Variants in L3MBTL4 observed in about 807,000 individuals in gnomAD.
The protein encoded by L3MBTL4 is lethal(3)malignant brain tumor-like protein 4.
A neutral mutation model predicts 84.5 loss-of-function variants in L3MBTL4; 70 were observed. That is an observed-to-expected ratio of 0.83 (90% confidence interval 0.68 to 1.01). The LOEUF (loss-of-function observed/expected upper bound fraction) is 1.01. Among genes scored for constraint, L3MBTL4 ranks in the 50% least tolerant of loss-of-function variants. The pLI is 0.00. For missense variants in L3MBTL4, 715 were observed against 754.8 expected, an observed-to-expected ratio of 0.95 and a Z score of 0.62; for synonymous variants, 274 against 259.8, an observed-to-expected ratio of 1.05 and a Z score of -0.52.
chr18:5,985,538 G>A (rs369895619), intron 16 of L3MBTL4, among the ~76,000 whole-genome samples: 7 of 152,284 alleles, frequency 4.6e-5, no homozygotes, highest in South Asian at 2.1e-4. Flanking sequence ...AGATTTGCCC[G>A]AAGGTAGCAC....
chr18:6,059,240 T>C (rs1020290411), intron 16 of L3MBTL4, among the ~76,000 whole-genome samples: 4 of 152,236 alleles, frequency 2.6e-5, no homozygotes, highest in Admixed American at 2.6e-4. Flanking sequence ...AGGAAGCCTC[T>C]GGCGTGGCTG....
At chr18:6,024,372 G>A (rs2055408181) in intron 16 of L3MBTL4, among the ~76,000 whole-genome samples, 1 of 152,180 alleles carries the variant, frequency 6.6e-6, no homozygotes, top group Non-Finnish European at 1.5e-5. Flanking sequence ...CAAAAACAGT[G>A]ACTAAGGAGC....
At chr18:6,115,876 T>A (rs564688543) in intron 14 of L3MBTL4, among the ~76,000 whole-genome samples, 124 of 152,250 alleles carry the variant, frequency 8.1e-4, no homozygotes, top group African/African-American at 2.8e-3. Context: ...TCAATACAGA[T>A]GCCCTGGGAG....
intron 5 of L3MBTL4, among the ~76,000 whole-genome samples, chr18:6,262,441 T>G (rs1233871899): frequency 6.6e-6 from 1 of 152,170 alleles, no homozygotes; most frequent in Non-Finnish European, 1.5e-5. Context: ...TTGCACCTTT[T>G]GATGGAAGAA....
chr18:6,022,137 A>G (rs1328104644), intron 16 of L3MBTL4, among the ~76,000 whole-genome samples: 1 of 152,218 alleles, frequency 6.6e-6, no homozygotes, highest in Non-Finnish European at 1.5e-5. Context: ...TTCACTGTAC[A>G]ATCTATTTCT....
At chr18:6,029,536 A>G (rs188653201) in intron 16 of L3MBTL4, 98 of 985,168 alleles carry the variant, frequency 9.9e-5, no homozygotes, top group Non-Finnish European at 1.2e-4. Context: ...GAGGACATCA[A>G]GGAAGAAATA....
At position 5,972,899 on chromosome 18, in the gene L3MBTL4, GAATAGAATAGAATAGAAT is replaced by G. The variant is rs1567933908; in HGVS notation, c.1445-3355_1445-3338del. Among the ~76,000 whole-genome samples, 24 of 11,238 alleles carry G rather than the reference GAATAGAATAGAATAGAAT, an allele frequency of 2.1e-3. 2 individuals are homozygous for G. The highest frequency in any genetic ancestry group is 7.5e-3 in the East Asian group (12 of 1,608). The allele number at this position is 11,238 out of a possible 152,430, so 7.4% of individuals were successfully genotyped here. A position where few individuals can be genotyped will look rare whatever the true frequency, so the allele number is the denominator to read the frequency against. On this transcript the variant is annotated intron_variant, in intron 16 of 18. Coordinates refer to ENST00000317931, the MANE Select transcript of L3MBTL4 (RefSeq NM_001330559.2). ...GAATAGAATAGAACAGAAGAGAATA[GAATAGAATAGAATAGAAT>G]AGAATAGAATAGAATAGAATAGAAT...
chr18:6,126,140 C>A (rs1735456816), intron 14 of L3MBTL4, among the ~76,000 whole-genome samples: 1 of 151,892 alleles, frequency 6.6e-6, no homozygotes. Context: ...TGGAAAAAAA[C>A]AAAAAAGACA....
chr18:6,175,565 C>T (rs1035688805), intron 12 of L3MBTL4, among the ~76,000 whole-genome samples: 1 of 152,120 alleles, frequency 6.6e-6, no homozygotes, highest in Non-Finnish European at 1.5e-5. Flanking sequence ...TAATTCATTA[C>T]ACCACAGAAG....
chr18:6,149,079 G>A (rs2042775197), intron 13 of L3MBTL4, among the ~76,000 whole-genome samples: 1 of 151,766 alleles, frequency 6.6e-6, no homozygotes, highest in Non-Finnish European at 1.5e-5. Flanking sequence ...TTAAGTTTTA[G>A]GGTACATGTG....
chr18:6,307,276 C>CAAAA, intron 3 of L3MBTL4, among the ~76,000 whole-genome samples: 1 of 144,600 alleles, frequency 6.9e-6, no homozygotes, highest in Admixed American at 6.9e-5. Context: ...ATTAAAAATA[C>CAAAA]AAAAAAAAAA....
chr18:6,146,174 C>A (rs2042642987), intron 13 of L3MBTL4, among the ~76,000 whole-genome samples: 1 of 152,180 alleles, frequency 6.6e-6, no homozygotes, highest in Non-Finnish European at 1.5e-5. Context: ...GCAAGCACTG[C>A]GTGGAGAGGG....
chr18:6,084,830 T>G (rs2058205389), intron 15 of L3MBTL4, among the ~76,000 whole-genome samples: 1 of 152,180 alleles, frequency 6.6e-6, no homozygotes, highest in South Asian at 2.1e-4. Flanking sequence ...GAGATGAGTT[T>G]GAACTGGGCC....
chr18:6,231,478 T>C (rs532985610), intron 10 of L3MBTL4, among the ~76,000 whole-genome samples: 6 of 152,320 alleles, frequency 3.9e-5, no homozygotes, highest in African/African-American at 1.4e-4. Flanking sequence ...TTGGTTACAG[T>C]AGACTTGTAT....
chr18:6,257,975 C>T (rs1023825070), intron 5 of L3MBTL4, among the ~76,000 whole-genome samples: 14 of 152,062 alleles, frequency 9.2e-5, no homozygotes, highest in Non-Finnish European at 7.4e-5. Flanking sequence ...AGAGAAGAAA[C>T]GTCAGCTTAC....
At chr18:6,144,753 GC>G (rs2042577164) in intron 13 of L3MBTL4, among the ~76,000 whole-genome samples, 1 of 152,200 alleles carries the variant, frequency 6.6e-6, no homozygotes, top group African/African-American at 2.4e-5. Flanking sequence ...AAAGACAAAT[GC>G]TTTTCTTTCC....
At chr18:6,175,288 G>C (rs534381967) in intron 12 of L3MBTL4, among the ~76,000 whole-genome samples, 1 of 151,996 alleles carries the variant, frequency 6.6e-6, no homozygotes, top group Non-Finnish European at 1.5e-5. Context: ...TCTTTAAAAC[G>C]CTAACAGGAA....
At chr18:6,307,878 A>G (rs1177483996) in intron 3 of L3MBTL4, among the ~76,000 whole-genome samples, 1 of 152,238 alleles carries the variant, frequency 6.6e-6, no homozygotes, top group Admixed American at 6.5e-5. Flanking sequence ...ATTTTTGTAT[A>G]TTCATTTTGT....
chr18:6,188,850 C>G (rs896422313), intron 12 of L3MBTL4, among the ~76,000 whole-genome samples: 8 of 152,252 alleles, frequency 5.3e-5, no homozygotes, highest in Non-Finnish European at 7.3e-5. Flanking sequence ...AGAGGGAGTA[C>G]AGGGAAGTCC....
Sources: gnomAD v4.1 joint callset for allele counts (sites outside exome capture counted in the v4.1 genomes callset) on GRCh38, gnomAD v4.1.1 for gene constraint, MANE v1.5 for transcripts, NCBI Gene and HGNC (gene_info 2026-07-23, HGNC 2026-07-21) for gene names.